IRAK4: variants seen among roughly 807,000 people sequenced by gnomAD.
IRAK4 encodes interleukin-1 receptor-associated kinase 4.
A neutral mutation model predicts 51.8 loss-of-function variants in IRAK4; 44 were observed. The observed-to-expected ratio is 0.85, with a 90% CI of 0.67 to 1.09. The LOEUF is 1.09. Among genes scored for constraint, IRAK4 ranks in the 50% least tolerant of loss-of-function variants. The pLI, the probability that IRAK4 is intolerant of heterozygous loss-of-function variation, is 0.00. For synonymous variants in IRAK4, 149 were observed against 174.1 expected (o/e 0.86, Z 1.13); for missense variants, 487 against 538.0 (o/e 0.91, Z 0.94).
At chr12:43,775,949 T>C (rs184691748) in intron 6 of IRAK4, among the ~76,000 whole-genome samples, 2,072 of 148,744 alleles carry the variant, frequency 0.014, 25 homozygotes, top group Non-Finnish European at 0.02. Flanking sequence ...TGGTGCGATC[T>C]TGGCTCACTG....
intron 6 of IRAK4, among the ~76,000 whole-genome samples, 197 bp from the exon 7 acceptor site, chr12:43,777,433 G>A (rs1384973003): frequency 6.6e-6 from 1 of 152,014 alleles, no homozygotes; most frequent in Non-Finnish European, 1.5e-5. Flanking sequence ...GATTAATACT[G>A]GCTGAAAAGA....
chr12:43,788,224 A>C lies in IRAK4; in HGVS notation c.*1509A>C, dbSNP rs1942336370. ...CATTTGAGGGGTATGTGGAAATTAT[A>C]CAGAGCATGTACAGCGGGAGGCTTA... On this transcript the variant is annotated 3_prime_UTR_variant, in exon 12 of 12. Transcript: ENST00000613694. The C allele has an allele frequency of 6.6e-6, 1 of 152,248 alleles. No homozygotes were observed. The highest frequency in any genetic ancestry group is 1.5e-5 in the Non-Finnish European group (1 of 68,062). 9.4% of individuals were successfully genotyped at this position (152,248 alleles called of 1,614,324 possible).
chr12:43,771,105 G>A lies in IRAK4; in HGVS notation c.162-115G>A, dbSNP rs139181059. On this transcript the variant is annotated intron_variant, in intron 2 of 11. Transcript: ENST00000613694. ...CTTGGACTTCCCAGCCTCCAGAACC[G>A]TGAGCCAAATTAACTATTATTTATA... The A allele has an allele frequency of 1.0e-3, 999 of 952,184 alleles. 3 individuals are homozygous for A. The highest frequency in any genetic ancestry group is 1.5e-3 in the Admixed American group (75 of 50,350). 59.0% of individuals were successfully genotyped at this position (952,184 alleles called of 1,614,324 possible). A position where few individuals can be genotyped will look rare whatever the true frequency, so the allele number is the denominator to read the frequency against.
At chr12:43,786,117 T>C (rs545200246) in intron 10 of IRAK4, among the ~76,000 whole-genome samples, 1 of 150,930 alleles carries the variant, frequency 6.6e-6, no homozygotes, top group African/African-American at 2.4e-5. Context: ...CAGTGCAACC[T>C]CTGCCTCCTG....
chr12:43,782,636 A>G, intron 9 of IRAK4, 146 bp downstream of exon 9: 1 of 687,722 alleles, frequency 1.5e-6, no homozygotes, highest in Non-Finnish European at 2.4e-6. Context: ...TATACCAGAA[A>G]GTTTATAAAA....
chr12:43,759,013 G>C lies in IRAK4; in HGVS notation c.-13G>C, dbSNP rs1331143700. The C allele has an allele frequency of 6.6e-6, 1 of 152,180 alleles. No individual in the cohort carries two copies. The highest frequency in any genetic ancestry group is 1.5e-5 in the Non-Finnish European group (1 of 68,058). 9.4% of individuals were successfully genotyped at this position (152,180 alleles called of 1,614,324 possible). ...GCCGGCTTCAGCAGCCCGCGCCCGGGCAGGTAAGGCATTCCCCGCCTTAAT... is the reference window on the plus strand; with the variant it reads ...GCCGGCTTCAGCAGCCCGCGCCCGGCCAGGTAAGGCATTCCCCGCCTTAAT... On this transcript the variant is annotated 5_prime_UTR_variant, in exon 1 of 12. Coordinates refer to ENST00000613694, the MANE Select transcript of IRAK4 (RefSeq NM_016123.4).
intron 1 of IRAK4, among the ~76,000 whole-genome samples, chr12:43,767,313 T>C (rs1054320392): frequency 6.6e-6 from 1 of 152,152 alleles, no homozygotes; most frequent in Non-Finnish European, 1.5e-5. Context: ...AACGGCAGTG[T>C]TGAAGGCCCT....
intron 2 of IRAK4, 182 bp from the exon 3 acceptor site, chr12:43,771,038 A>T: frequency 1.4e-6 from 1 of 698,420 alleles, no homozygotes; most frequent in Non-Finnish European, 2.6e-6. Flanking sequence ...CCACCATGAG[A>T]TGATGTAGCA....
At chr12:43,782,661 G>A (rs1342903396) in intron 9 of IRAK4, among the ~76,000 whole-genome samples, 171 bp downstream of exon 9, 4 of 152,108 alleles carry the variant, frequency 2.6e-5, no homozygotes, top group Non-Finnish European at 5.9e-5. Flanking sequence ...CTTCCAATGT[G>A]TAAAACTTTT....
rs556928387 is a variant in IRAK4 at position 43,777,525 on chromosome 12, C to A, written c.717-105C>A. 3.2e-6 allele frequency: 3 copies of A among 925,042 alleles called. No individual in the cohort carries two copies. The South Asian group carries it at 6.3e-5, about 20-fold the overall frequency. 57.3% of individuals were successfully genotyped at this position (925,042 alleles called of 1,614,324 possible). A position where few individuals can be genotyped will look rare whatever the true frequency, so the allele number is the denominator to read the frequency against. ...CAAGTTAGAAATAATATATAACATA[C>A]TATTTTTTTGCTCTTTTTTTCTATT... On this transcript the variant is annotated intron_variant, in intron 6 of 11. Coordinates refer to ENST00000613694, the MANE Select transcript of IRAK4 (RefSeq NM_016123.4).
chr12:43,788,887 C>G lies in IRAK4; in HGVS notation c.*2172C>G, dbSNP rs1394175142. 1 of 152,076 alleles carries G rather than the reference C, an allele frequency of 6.6e-6. No individual in the cohort carries two copies. The highest frequency in any genetic ancestry group is 1.5e-5 in the Non-Finnish European group (1 of 68,026). 9.4% of individuals were successfully genotyped at this position (152,076 alleles called of 1,614,324 possible). A position where few individuals can be genotyped will look rare whatever the true frequency, so the allele number is the denominator to read the frequency against. ...TTGCCCCTTTCTTTAGCCAATTTCT[C>G]CCTTTTGGGACAAGAATGTTTTACT... On this transcript the variant is annotated 3_prime_UTR_variant, in exon 12 of 12. Coordinates refer to ENST00000613694, the MANE Select transcript of IRAK4 (RefSeq NM_016123.4).
Position 43,774,532 on chromosome 12 carries a change from C to G in IRAK4, c.716+503C>G, listed in dbSNP as rs4251480. 2.0e-3 allele frequency among the ~76,000 whole-genome samples: 309 copies of G among 152,286 alleles called. 1 individual carries two copies. The highest frequency in any genetic ancestry group is 7.2e-3 in the African/African-American group (298 of 41,556). ...AAAGAGCTGGGATTACAGGCGTGAC[C>G]ACGCCTGGCCGCAGTCATTATTTTA... On this transcript the variant is annotated intron_variant, in intron 6 of 11. Transcript: ENST00000613694.
In IRAK4 at chr12:43,786,736, T is replaced by C. The variant is rs1049222594; in HGVS notation, c.*21T>C. 2 of 1,603,730 alleles carry C rather than the reference T, an allele frequency of 1.2e-6. No individual in the cohort carries two copies. The highest frequency in any genetic ancestry group is 1.7e-5 in the Admixed American group (1 of 59,952). On this transcript the variant is annotated 3_prime_UTR_variant, in exon 12 of 12. Coordinates refer to ENST00000613694, the MANE Select transcript of IRAK4 (RefSeq NM_016123.4). ...CTTAAAACTTTATTGGAAAAGACTC[T>C]TGACTTTTTATATACACCTATCTCA...
intron 3 of IRAK4, among the ~76,000 whole-genome samples, chr12:43,771,627 T>C (rs3794262): frequency 6.6e-6 from 1 of 152,072 alleles, no homozygotes; most frequent in Admixed American, 6.5e-5. Context: ...GACTTCATAC[T>C]TCTGGCTTAG....
chr12:43,763,851 A>G lies in IRAK4; in HGVS notation c.-9-4252A>G, dbSNP rs893620773. On this transcript the variant is annotated intron_variant, in intron 1 of 11. Transcript: ENST00000613694. ...AATGGCCTTCTGATTTCAGAGTCTA[A>G]CATATCCATCAGTGTCTATTTGACC... Among the ~76,000 whole-genome samples the G allele has an allele frequency of 2.6e-5, 4 of 152,288 alleles. No individual in the cohort carries two copies. The East Asian group carries it at 7.7e-4, about 29-fold the overall frequency.
chr12:43,784,372 A>C (rs4251533), intron 10 of IRAK4, among the ~76,000 whole-genome samples: 1 of 151,900 alleles, frequency 6.6e-6, no homozygotes, highest in Admixed American at 6.6e-5. Flanking sequence ...CTGACACTAC[A>C]TTCCTGGACA....
intron 5 of IRAK4, 36 bp downstream of exon 5, chr12:43,773,108 G>GCC: frequency 6.3e-7 from 1 of 1,575,146 alleles, no homozygotes; most frequent in Non-Finnish European, 8.7e-7. Flanking sequence ...AGAAAGAGTT[G>GCC]CTTCATAGTG....
chr12:43,759,752 C>T (rs1276770185), intron 1 of IRAK4, among the ~76,000 whole-genome samples: 1 of 151,746 alleles, frequency 6.6e-6, no homozygotes, highest in African/African-American at 2.4e-5. Flanking sequence ...CCCGTAATGC[C>T]AGCTACTCCG....
At chr12:43,770,427 A>T (rs1424163680) in intron 2 of IRAK4, among the ~76,000 whole-genome samples, 1 of 152,196 alleles carries the variant, frequency 6.6e-6, no homozygotes, top group African/African-American at 2.4e-5. Context: ...CTCAACTTGG[A>T]TACATCATAT....
Sources: gnomAD v4.1 joint callset for allele counts (sites outside exome capture counted in the v4.1 genomes callset) on GRCh38, gnomAD v4.1.1 for gene constraint, MANE v1.5 for transcripts, NCBI Gene and HGNC (gene_info 2026-07-23, HGNC 2026-07-21) for gene names.